SPOCK2: variants seen among roughly 807,000 people sequenced by gnomAD.
SPOCK2 encodes testican-2.
A neutral mutation model predicts 60.1 loss-of-function variants in SPOCK2; 39 were observed. That is an observed-to-expected ratio of 0.65 (90% confidence interval 0.50 to 0.85). SPOCK2 has a LOEUF of 0.85. Among genes scored for constraint, SPOCK2 ranks in the 40% least tolerant of loss-of-function variants. The pLI is 0.00. For synonymous variants in SPOCK2, 217 were observed against 231.5 expected (o/e 0.94, Z 0.57); for missense variants, 523 against 567.4 (o/e 0.92, Z 0.80).
At position 72,063,015 on chromosome 10, in the gene SPOCK2, C is replaced by T. The variant is rs1337269146; in HGVS notation, c.1129+10G>A. On this transcript the variant is annotated intron_variant, in intron 10 of 10. Transcript: ENST00000373109. ...GGCCCCCAGCAGGCCCTGAGCTGCCCAGCCCGTACCGCAGTCGGGGCTCCC... is the reference window on the plus strand; with the variant it reads ...GGCCCCCAGCAGGCCCTGAGCTGCCTAGCCCGTACCGCAGTCGGGGCTCCC... 5.8e-6 allele frequency: 9 copies of T among 1,561,316 alleles called. No individual in the cohort carries two copies. Among genetic ancestry groups the T allele is most frequent in the Admixed American group, 1.9e-5 (1 of 52,574 alleles).
intron 1 of SPOCK2, among the ~76,000 whole-genome samples, chr10:72,082,099 C>G (rs1840793157): frequency 6.6e-6 from 1 of 152,222 alleles, no homozygotes; most frequent in African/African-American, 2.4e-5. Context: ...CAGAAGGACT[C>G]TGAAGATACA....
At position 72,062,471 on chromosome 10, in the gene SPOCK2, A is replaced by G. The variant is rs1840503918; in HGVS notation, c.*289T>C. The G allele has an allele frequency of 8.6e-6, 4 of 462,926 alleles. No homozygotes were observed. In the East Asian group the frequency reaches 1.5e-4, roughly 17 times the overall value. The allele number at this position is 462,926 out of a possible 1,614,324, so 28.7% of individuals were successfully genotyped here. A position where few individuals can be genotyped will look rare whatever the true frequency, so the allele number is the denominator to read the frequency against. Reference sequence around the variant, plus strand: ...AAGAAAACAGCTACAAGGAGGCCGAAGGGGCCTTTGGGTGACTCACTCTGC... The same window carrying G: ...AAGAAAACAGCTACAAGGAGGCCGAGGGGGCCTTTGGGTGACTCACTCTGC... On this transcript the variant is annotated 3_prime_UTR_variant, in exon 11 of 11. Transcript: ENST00000373109. The surrounding 1 kb of genome is among the most constrained non-coding windows in gnomAD (Gnocchi z 4.3).
chr10:72,086,716 C>G, intron 1 of SPOCK2: 1 of 1,378,154 alleles, frequency 7.3e-7, no homozygotes, highest in South Asian at 1.4e-5. Context: ...ATCGCGGGGC[C>G]CGGCCACTCA....
chr10:72,086,674 G>C (rs890912886), intron 1 of SPOCK2: 21 of 1,287,054 alleles, frequency 1.6e-5, no homozygotes, highest in Middle Eastern at 3.2e-4. Context: ...TGGACAGGTC[G>C]CATGTGGGGC....
chr10:72,072,064 AT>A, intron 4 of SPOCK2, 79 bp downstream of exon 4: 1 of 1,172,336 alleles, frequency 8.5e-7, no homozygotes, highest in Non-Finnish European at 1.2e-6. Flanking sequence ...TAGATGGCTA[AT>A]TCATAAGGAG....
chr10:72,086,541 G>A (rs936167031), intron 1 of SPOCK2: 6 of 1,140,434 alleles, frequency 5.3e-6, no homozygotes, highest in Middle Eastern at 4.0e-4. Context: ...GGGCCGGCCT[G>A]CTGCCGCCCC....
rs1189288631 is a variant in SPOCK2 at position 72,086,547 on chromosome 10, G to T, written c.189+1593C>A. On this transcript the variant is annotated intron_variant, in intron 1 of 10. Transcript: ENST00000373109. ...ATTCCGGATGGGCCGGCCTGCTGCCGCCCCCTCGCTGCTGTGGCCGGGCTG... is the reference window on the plus strand; with the variant it reads ...ATTCCGGATGGGCCGGCCTGCTGCCTCCCCCTCGCTGCTGTGGCCGGGCTG... The T allele has an allele frequency of 1.1e-5, 13 of 1,137,006 alleles. No individual in the cohort carries two copies. The Admixed American group carries it at 4.2e-4, about 37-fold the overall frequency. The allele number at this position is 1,137,006 out of a possible 1,614,324, so 70.4% of individuals were successfully genotyped here. A position where few individuals can be genotyped will look rare whatever the true frequency, so the allele number is the denominator to read the frequency against.
intron 5 of SPOCK2, among the ~76,000 whole-genome samples, chr10:72,069,552 C>T (rs1198568993): frequency 6.6e-6 from 1 of 151,572 alleles, no homozygotes; most frequent in East Asian, 1.9e-4. Context: ...TCACTACAGC[C>T]TCGAACTCCT....
chr10:72,068,620 C>CACCCCTCCCCT (rs1840604588), intron 5 of SPOCK2: 1 of 321,752 alleles, frequency 3.1e-6, no homozygotes, highest in African/African-American at 2.3e-5. Context: ...CTGCCCCTGT[C>CACCCCTCCCCT]GCCCTTCCCC....
intron 6 of SPOCK2, 106 bp from the exon 7 acceptor site, chr10:72,067,838 G>A (rs963218025): frequency 4.5e-5 from 68 of 1,495,824 alleles, no homozygotes; most frequent in Non-Finnish European, 5.2e-5. Context: ...GCAGGGGTCC[G>A]GGAGGCAGCA....
intron 1 of SPOCK2, chr10:72,086,627 T>C (rs1334749004): frequency 8.3e-7 from 1 of 1,208,366 alleles, no homozygotes; most frequent in African/African-American, 1.6e-5. Flanking sequence ...CTGCAGGTGC[T>C]TCGGGAAGGC....
chr10:72,088,430 C>A lies in SPOCK2; in HGVS notation c.-102G>T, dbSNP rs1248558994. On this transcript the variant is annotated 5_prime_UTR_variant, in exon 1 of 11. Transcript: ENST00000373109. ...GAAGCGCACGCGGCTGTCCTCAGCT[C>A]TCCTCCCGCGGTCTGCCTCCGGTGA... is the stretch of plus-strand genomic sequence containing the variant. 8.8e-6 allele frequency: 12 copies of A among 1,360,102 alleles called. No homozygotes were observed. Among genetic ancestry groups the A allele is most frequent in the Admixed American group, 2.9e-5 (1 of 34,502 alleles). The allele number at this position is 1,360,102 out of a possible 1,614,324, so 84.3% of individuals were successfully genotyped here. A position where few individuals can be genotyped will look rare whatever the true frequency, so the allele number is the denominator to read the frequency against.
At chr10:72,069,468 CTT>C (rs869082110) in intron 5 of SPOCK2, among the ~76,000 whole-genome samples, 34 of 138,524 alleles carry the variant, frequency 2.5e-4, no homozygotes, top group Admixed American at 2.2e-4. Flanking sequence ...TTCTATGTTA[CTT>C]TTTTTTTTTT....
At chr10:72,086,378 A>G in intron 1 of SPOCK2, 1 of 1,000,608 alleles carries the variant, frequency 1.0e-6, no homozygotes, top group Non-Finnish European at 1.2e-6. Context: ...AGCAGGTGGA[A>G]GAAGGGAGGT....
chr10:72,086,720 C>T (rs1840860978), intron 1 of SPOCK2: 2 of 1,385,724 alleles, frequency 1.4e-6, no homozygotes, highest in African/African-American at 1.5e-5. Flanking sequence ...CGGGGCCCGG[C>T]CACTCAGCCT....
intron 1 of SPOCK2, among the ~76,000 whole-genome samples, chr10:72,078,330 G>A (rs767700928): frequency 6.6e-5 from 10 of 152,028 alleles, no homozygotes; most frequent in Non-Finnish European, 1.2e-4. Flanking sequence ...TGGATAACAC[G>A]GTAAAACCCC....
chr10:72,065,991 C>T (rs955159394), intron 8 of SPOCK2, among the ~76,000 whole-genome samples: 3 of 152,182 alleles, frequency 2.0e-5, no homozygotes, highest in East Asian at 1.9e-4. Context: ...CCCTGACTGC[C>T]GATCCCCCAC....
At position 72,087,532 on chromosome 10, in the gene SPOCK2, C is replaced by A. The variant is rs1488858400; in HGVS notation, c.189+608G>T. On this transcript the variant is annotated intron_variant, in intron 1 of 10. Coordinates refer to ENST00000373109, the MANE Select transcript of SPOCK2 (RefSeq NM_001244950.2). This position sits in a 1 kb window ranked among gnomAD's most constrained non-coding sequence, Gnocchi z 4.7. Reference sequence around the variant, plus strand: ...CTTCTGCACGGGGACCCCAGCCCACCCCCGTACGGACACGCCTTCCACCAT... The same window carrying A: ...CTTCTGCACGGGGACCCCAGCCCACACCCGTACGGACACGCCTTCCACCAT... Among the ~76,000 whole-genome samples, 1 of 152,190 alleles carries A rather than the reference C, an allele frequency of 6.6e-6. No individual in the cohort carries two copies. Among genetic ancestry groups the A allele is most frequent in the Non-Finnish European group, 1.5e-5 (1 of 68,030 alleles).
chr10:72,081,856 A>G (rs945638635), intron 1 of SPOCK2, among the ~76,000 whole-genome samples: 2 of 152,114 alleles, frequency 1.3e-5, no homozygotes, highest in African/African-American at 4.8e-5. Flanking sequence ...AACCCACAGC[A>G]GGGCTACTTG....
Sources: gnomAD v4.1 joint callset for allele counts (sites outside exome capture counted in the v4.1 genomes callset) on GRCh38, gnomAD v4.1.1 for gene constraint, Gnocchi (gnomAD v3.1) non-coding constraint, MANE v1.5 for transcripts, NCBI Gene and HGNC (gene_info 2026-07-23, HGNC 2026-07-21) for gene names.